Variants in SLC28A1 observed in about 807,000 individuals in gnomAD.
SLC28A1 encodes the protein solute carrier family 28 member 1.
Under a neutral mutation model 74.8 loss-of-function variants are expected in SLC28A1, and 64 were observed. The ratio of observed to expected loss-of-function variants is 0.86; its 90% CI spans 0.70 to 1.05. The LOEUF is 1.05. SLC28A1 is among the 50% of genes least tolerant of loss of function. The pLI, the probability that SLC28A1 is intolerant of heterozygous loss-of-function variation, is 0.00. For missense variants in SLC28A1, 828 were observed against 822.8 expected (o/e 1.01, Z -0.08); for synonymous variants, 359 against 335.0 (o/e 1.07, Z -0.78).
chr15:84,915,393 C>A (rs1271283259), intron 9 of SLC28A1, among the ~76,000 whole-genome samples: 1 of 152,212 alleles, frequency 6.6e-6, no homozygotes, highest in Non-Finnish European at 1.5e-5. Flanking sequence ...ATTCTGTAAT[C>A]CCAGTTCACT....
At position 84,945,357 on chromosome 15, in the gene SLC28A1, G is replaced by A. The variant is rs1052750409; in HGVS notation, c.*157G>A. On this transcript the variant is annotated 3_prime_UTR_variant, in exon 19 of 19. Transcript: ENST00000394573. The stretch of plus-strand genomic sequence containing the variant: ...TGGGAAGGGTTCATGGAGTGAGTGT[G>A]CAGAGAGTGAGTGAGGACATAAGGA... 27 of 711,950 alleles carry A rather than the reference G, an allele frequency of 3.8e-5. No individual in the cohort carries two copies. In the South Asian group the frequency reaches 3.9e-4, roughly 10 times the overall value. 44.1% of individuals were successfully genotyped at this position (711,950 alleles called of 1,614,324 possible).
chr15:84,885,158 C>T (rs1190804641), intron 1 of SLC28A1, among the ~76,000 whole-genome samples: 1 of 151,666 alleles, frequency 6.6e-6, no homozygotes, highest in African/African-American at 2.4e-5. Context: ...GGGGTTTCAC[C>T]ATGTTGGCCA....
chr15:84,901,317 G>T (rs2141744054), intron 6 of SLC28A1, among the ~76,000 whole-genome samples: 1 of 152,270 alleles, frequency 6.6e-6, no homozygotes, highest in Non-Finnish European at 1.5e-5. Flanking sequence ...AACCAGCCTG[G>T]CCAATATGGT....
chr15:84,959,872 C>T, the SLC28A1 span, among the ~76,000 whole-genome samples: 6 of 152,130 alleles, frequency 3.9e-5, no homozygotes, highest in Admixed American at 6.5e-5. Context: ...CTTTGTTTTA[C>T]GTTCATACGT....
the SLC28A1 span, among the ~76,000 whole-genome samples, chr15:84,968,744 A>C: frequency 6.6e-6 from 1 of 152,232 alleles, no homozygotes; most frequent in Non-Finnish European, 1.5e-5. Flanking sequence ...CCTTCTTGTT[A>C]AGTGATGTAA....
rs746259905 is a variant in SLC28A1 at position 84,935,513 on chromosome 15, A to C, written c.1576A>C (p.Ile526Leu). The change falls in exon 15 of 19, where the codon ATC (isoleucine) becomes CTC (leucine). Residue 526 changes from isoleucine (I) to leucine (L), a missense_variant. By Grantham distance (5) the Ile-to-Leu change is conservative (BLOSUM62 2). This residue lies in a region of SLC28A1 where 767 missense variants were observed against 753.5 expected (regional missense o/e 1.02). Transcript: ENST00000394573. ...EEWVGDRKQW[I>L]SVRAEVLTTF... is the part of the protein sequence containing the mutation. ...GTGGGTCGGCGACAGGAAGCAGTGG[A>C]TCTCCGTGAGTGTCCCAGTCCCTTC... 3 of 1,612,844 alleles carry C rather than the reference A, an allele frequency of 1.9e-6. No homozygotes were observed. The highest frequency in any genetic ancestry group is 2.5e-6 in the Non-Finnish European group (3 of 1,179,734).
the SLC28A1 span, among the ~76,000 whole-genome samples, chr15:84,952,439 G>C: frequency 0.64 from 97,196 of 152,126 alleles, 33,745 homozygotes; most frequent in South Asian, 0.8. Flanking sequence ...TAAATTCCTT[G>C]CATCCAATGA....
At chr15:84,925,988 T>C (rs979493969) in intron 12 of SLC28A1, among the ~76,000 whole-genome samples, 2 of 151,246 alleles carry the variant, frequency 1.3e-5, no homozygotes, top group African/African-American at 4.8e-5. Context: ...GTAACCTTTT[T>C]TGGTGAAGGC....
the SLC28A1 span, among the ~76,000 whole-genome samples, chr15:84,973,545 G>A: frequency 1.3e-5 from 2 of 152,106 alleles, no homozygotes; most frequent in Non-Finnish European, 2.9e-5. Context: ...AGGATGAGTG[G>A]GTGCTGGGCA....
intron 12 of SLC28A1, among the ~76,000 whole-genome samples, chr15:84,930,108 C>T (rs1028532611): frequency 6.6e-6 from 1 of 152,192 alleles, no homozygotes; most frequent in Admixed American, 6.5e-5. Context: ...ACTGGGTCAC[C>T]CAGGGGACAG....
the SLC28A1 span, among the ~76,000 whole-genome samples, chr15:84,963,122 T>C: frequency 1.3e-5 from 2 of 152,182 alleles, no homozygotes; most frequent in Admixed American, 1.3e-4. Context: ...TGAGATTGAA[T>C]TTCTTGCCAG....
rs182575778 is a variant in SLC28A1, at chr15:84,900,788, C to G, written c.462-3309C>G. Among the ~76,000 whole-genome samples the G allele has an allele frequency of 5.3e-5, 8 of 151,876 alleles. No homozygotes were observed. In the East Asian group the frequency reaches 1.5e-3, roughly 29 times the overall value. On this transcript the variant is annotated intron_variant, in intron 6 of 18. Transcript: ENST00000394573. The stretch of plus-strand genomic sequence containing the variant: ...TGCCTATATGTCACTGCACTCCAGC[C>G]TGGGCAACAAAGCAGACCCTGCCTC...
chr15:84,889,051 A>T (rs557418289), intron 4 of SLC28A1, among the ~76,000 whole-genome samples, 191 bp downstream of exon 4: 12 of 152,232 alleles, frequency 7.9e-5, no homozygotes, highest in African/African-American at 2.9e-4. Context: ...CAGGCTCCCC[A>T]CCTGCTTTTG....
chr15:84,896,050 T>A (rs1389617080), intron 6 of SLC28A1: 2 of 685,516 alleles, frequency 2.9e-6, no homozygotes, highest in African/African-American at 1.9e-5. Context: ...TTTGCAATGG[T>A]CTTCTGTGAC....
chr15:84,940,191 G>A (rs922151829), intron 15 of SLC28A1, among the ~76,000 whole-genome samples: 2 of 152,284 alleles, frequency 1.3e-5, no homozygotes, highest in African/African-American at 4.8e-5. Flanking sequence ...GACAACTAAA[G>A]ATGAAGGCAC....
At chr15:84,917,056 G>A (rs1388885698) in intron 9 of SLC28A1, among the ~76,000 whole-genome samples, 6 of 147,204 alleles carry the variant, frequency 4.1e-5, no homozygotes, top group Non-Finnish European at 9.0e-5. Flanking sequence ...AAAAAAGGTA[G>A]GAACAGATGA....
In SLC28A1 at chr15:84,890,457, C is replaced by T. The variant is rs1314848161; in HGVS notation, c.200C>T (p.Pro67Leu). 1 of 1,609,262 alleles carries T rather than the reference C, an allele frequency of 6.2e-7. No homozygotes were observed. Among genetic ancestry groups the T allele is most frequent in the African/African-American group, 1.3e-5 (1 of 74,850 alleles). Reference sequence around the variant, plus strand: ...CTTGTTCCCAGGAGGAACCTGCAGCCAGCCCTGAGAGCCAGAAGCTTCTGC... The same window carrying T: ...CTTGTTCCCAGGAGGAACCTGCAGCTAGCCCTGAGAGCCAGAAGCTTCTGC... Reference protein sequence around the residue: ...KPFSRWRNLQPALRARSFCRE... With the variant: ...KPFSRWRNLQLALRARSFCRE... Residue 67 changes from proline to leucine, a missense_variant, in exon 5 of 19, where the codon CCA (proline) becomes CTA (leucine). Pro to Leu is a moderately conservative substitution (Grantham distance 98). Coordinates refer to ENST00000394573, the MANE Select transcript of SLC28A1 (RefSeq NM_004213.5).
At position 84,924,048 on chromosome 15, in the gene SLC28A1, G is replaced by T. The variant is rs1415056874; in HGVS notation, c.1021G>T (p.Val341Phe). 1 of 1,613,996 alleles carries T rather than the reference G, an allele frequency of 6.2e-7. No homozygotes were observed. Among genetic ancestry groups the T allele is most frequent in the Admixed American group, 1.7e-5 (1 of 59,998 alleles). ...ADMTLSEVHV[V>F]MTGGYATIAG... is the part of the protein sequence containing the mutation. ...CATGACACTCTCTGAAGTCCACGTT[G>T]TCATGACCGGAGGTTACGCCACCAT... is the stretch of plus-strand genomic sequence containing the variant. Residue 341 changes from valine to phenylalanine, a missense_variant, in exon 12 of 19, where the codon GTC becomes TTC. By Grantham distance (50) the Val-to-Phe change is conservative (BLOSUM62 -1). Transcript: ENST00000394573.
At chr15:84,899,940 AAAGG>A (rs71135318) in intron 6 of SLC28A1, among the ~76,000 whole-genome samples, 41,672 of 136,666 alleles carry the variant, frequency 0.3, 6,388 homozygotes, top group Middle Eastern at 0.42. Context: ...AGAAAGAAAG[AAAGG>A]AAGGAAGGAA....
Sources: allele counts gnomAD v4.1 joint callset (sites outside exome capture counted in the v4.1 genomes callset), GRCh38; gene constraint gnomAD v4.1.1; regional missense constraint gnomAD v4.1.1; transcripts MANE v1.5; gene names NCBI Gene and HGNC (gene_info 2026-07-23, HGNC 2026-07-21).